ANKRD11: variants seen among roughly 807,000 people sequenced by gnomAD.
The protein encoded by ANKRD11 is ankyrin repeat domain-containing protein 11.
ANKRD11 carries 17 observed loss-of-function variants against 195.7 expected under a neutral mutation model. The observed-to-expected ratio is 0.09, with a 90% CI of 0.06 to 0.13. The LOEUF (loss-of-function observed/expected upper bound fraction) is 0.13, where lower values mean the gene tolerates loss of function less well. Among genes scored for constraint, ANKRD11 ranks in the 10% least tolerant of loss-of-function variants. The pLI, the probability that ANKRD11 is intolerant of heterozygous loss-of-function variation, is 1.00. For missense variants in ANKRD11, 3,735 were observed against 3,566.1 expected (o/e 1.05, Z -1.21); for synonymous variants, 1,953 against 1,528.1 (o/e 1.28, Z -6.49).
At chr16:89,439,936 C>CA (rs1307092254) in intron 1 of ANKRD11, among the ~76,000 whole-genome samples, 2 of 152,226 alleles carry the variant, frequency 1.3e-5, no homozygotes, top group African/African-American at 4.8e-5. Flanking sequence ...TGCACACACC[C>CA]ACAGCAGGAG....
chr16:89,432,657 T>C (rs1318920413), intron 1 of ANKRD11, among the ~76,000 whole-genome samples: 2 of 152,192 alleles, frequency 1.3e-5, no homozygotes, highest in African/African-American at 2.4e-5. Flanking sequence ...TTTTATACTA[T>C]GTCACCACCA....
intron 2 of ANKRD11, among the ~76,000 whole-genome samples, chr16:89,383,932 G>A (rs115089260): frequency 0.021 from 3,222 of 152,256 alleles, 127 homozygotes; most frequent in African/African-American, 0.074. Context: ...TCCCACTGAC[G>A]AAGGCGCTTC....
rs963905934 is a variant in ANKRD11 at position 89,489,492 on chromosome 16, C to G, written c.-145+753G>C. On this transcript the variant is annotated intron_variant, in intron 1 of 12. Transcript: ENST00000301030. Reference sequence around the variant, plus strand: ...CGGCCTACGCGCGCCTCCTGCAACCCCGACGCCCCCAGGTCCCCAGTTCGC... The same window carrying G: ...CGGCCTACGCGCGCCTCCTGCAACCGCGACGCCCCCAGGTCCCCAGTTCGC... Among the ~76,000 whole-genome samples the G allele has an allele frequency of 9.9e-5, 15 of 150,918 alleles. 1 individual carries two copies. Among genetic ancestry groups the G allele is most frequent in the Admixed American group, 9.9e-4 (15 of 15,160 alleles).
At chr16:89,329,069 G>C (rs1027898410) in intron 2 of ANKRD11, 1 of 153,288 alleles carries the variant, frequency 6.5e-6, no homozygotes, top group Admixed American at 6.5e-5. Context: ...CGAATCAGCG[G>C]AGGCCCCTGC....
intron 2 of ANKRD11, among the ~76,000 whole-genome samples, chr16:89,367,920 C>T (rs1247999696): frequency 1.3e-5 from 2 of 152,134 alleles, no homozygotes; most frequent in Admixed American, 6.5e-5. Context: ...GGGAGGATCA[C>T]TTGAGCCCAG....
chr16:89,327,504 A>G (rs1403305923), intron 2 of ANKRD11, among the ~76,000 whole-genome samples: 1 of 152,218 alleles, frequency 6.6e-6, no homozygotes, highest in Non-Finnish European at 1.5e-5. Context: ...AAGAAACTTT[A>G]TTTAATAGAG....
chr16:89,464,469 GT>G (rs2056812927), intron 1 of ANKRD11, among the ~76,000 whole-genome samples: 1 of 149,330 alleles, frequency 6.7e-6, no homozygotes, highest in African/African-American at 2.5e-5. Flanking sequence ...TTAGCTGGGC[GT>G]GGGGTCAGAC....
At chr16:89,341,947 G>GCC (rs2038693542) in intron 2 of ANKRD11, among the ~76,000 whole-genome samples, 1 of 125,346 alleles carries the variant, frequency 8.0e-6, no homozygotes, top group African/African-American at 3.2e-5. Context: ...CCTCCTCCAC[G>GCC]AACAGCAGCC....
chr16:89,440,446 CAATAAAAACAG>C (rs2043400431), intron 1 of ANKRD11, among the ~76,000 whole-genome samples: 1 of 152,158 alleles, frequency 6.6e-6, no homozygotes, highest in Admixed American at 6.5e-5. Flanking sequence ...AACTTTGTAA[CAATAAAAACAG>C]AATAAAAACT....
In ANKRD11 at chr16:89,281,494, G is replaced by C. The variant is rs764951610; in HGVS notation, c.5048C>G (p.Pro1683Arg). Residue 1683 changes from proline (P) to arginine (R), a missense_variant, in exon 9 of 13, where the codon CCT becomes CGT. Transcript: ENST00000301030. This position sits in a 1 kb window ranked among gnomAD's most constrained non-coding sequence, Gnocchi z 5.5. ...CGCAGGCAGGACCTCTTTCATGTGAGGGCCTGCCAGCCAGTCTTTGGAGTC... is the reference window on the plus strand; with the variant it reads ...CGCAGGCAGGACCTCTTTCATGTGACGGCCTGCCAGCCAGTCTTTGGAGTC... ...GADSKDWLAG[P>R]HMKEVLPASP... 25 of 1,614,218 alleles carry C rather than the reference G, an allele frequency of 1.5e-5. No homozygotes were observed. The highest frequency in any genetic ancestry group is 2.0e-5 in the Non-Finnish European group (24 of 1,180,036).
chr16:89,363,883 C>T (rs1386988311), intron 2 of ANKRD11, among the ~76,000 whole-genome samples: 1 of 151,926 alleles, frequency 6.6e-6, no homozygotes, highest in African/African-American at 2.4e-5. Flanking sequence ...TGGCAAAACC[C>T]TGTCTCTACA....
At chr16:89,406,839 T>C (rs1197964679) in intron 2 of ANKRD11, among the ~76,000 whole-genome samples, 1 of 151,866 alleles carries the variant, frequency 6.6e-6, no homozygotes, top group East Asian at 1.9e-4. Flanking sequence ...AGCTGTGGAA[T>C]ATGGAAGGGG....
intron 2 of ANKRD11, among the ~76,000 whole-genome samples, chr16:89,359,485 G>A (rs1036364385): frequency 2.0e-5 from 3 of 152,220 alleles, no homozygotes; most frequent in African/African-American, 7.2e-5. Context: ...CCACTGCTTC[G>A]GGATGCAGAT....
chr16:89,360,595 G>T (rs1037102650), intron 2 of ANKRD11: 1 of 152,098 alleles, frequency 6.6e-6, no homozygotes, highest in African/African-American at 2.4e-5. Context: ...GCATGAAGTC[G>T]GGAATGACAG....
At chr16:89,370,479 G>C (rs1411730510) in intron 2 of ANKRD11, among the ~76,000 whole-genome samples, 2 of 152,130 alleles carry the variant, frequency 1.3e-5, no homozygotes, top group Non-Finnish European at 2.9e-5. Context: ...TGACACCCAG[G>C]GCCTTGAGGC....
intron 4 of ANKRD11, chr16:89,298,859 C>G (rs1597516638): frequency 6.6e-6 from 1 of 152,386 alleles, no homozygotes; most frequent in East Asian, 1.9e-4. Flanking sequence ...AGAGACCAAT[C>G]ACGCGGAGTT....
At chr16:89,433,501 C>T (rs181262061) in intron 1 of ANKRD11, among the ~76,000 whole-genome samples, 1 of 152,318 alleles carries the variant, frequency 6.6e-6, no homozygotes, top group African/African-American at 2.4e-5. Context: ...GCCACCAGTC[C>T]CAGCTCCAGC....
chr16:89,434,920 C>A (rs1726466565), intron 1 of ANKRD11, among the ~76,000 whole-genome samples: 1 of 152,310 alleles, frequency 6.6e-6, no homozygotes, highest in African/African-American at 2.4e-5. Flanking sequence ...CTGAAGTGTC[C>A]ATGCGGATGG....
intron 2 of ANKRD11, among the ~76,000 whole-genome samples, chr16:89,337,950 G>C (rs758787566): frequency 2.0e-5 from 3 of 152,150 alleles, no homozygotes; most frequent in Non-Finnish European, 2.9e-5. Context: ...TGAGCATGAG[G>C]GTCCAGCTTC....
Sources: allele counts gnomAD v4.1 joint callset (sites outside exome capture counted in the v4.1 genomes callset), GRCh38; gene constraint gnomAD v4.1.1; non-coding constraint Gnocchi (gnomAD v3.1); transcripts MANE v1.5; gene names NCBI Gene and HGNC (gene_info 2026-07-23, HGNC 2026-07-21).